The following DOK5 variants were observed in gnomAD, a reference collection of about 807,000 sequenced individuals.
DOK5 encodes docking protein 5.
Under a neutral mutation model 43.3 loss-of-function variants are expected in DOK5, and 27 were observed. That is an observed-to-expected ratio of 0.62 (90% confidence interval 0.46 to 0.86). The LOEUF (loss-of-function observed/expected upper bound fraction) is 0.86, where lower values mean the gene tolerates loss of function less well. Among genes scored for constraint, DOK5 ranks in the 40% least tolerant of loss-of-function variants. The pLI is 0.00. For missense variants in DOK5, 373 were observed against 392.9 expected (o/e 0.95, Z 0.43); for synonymous variants, 146 against 140.1 (o/e 1.04, Z -0.30).
At chr20:54,541,314 G>A (rs760935642) in intron 1 of DOK5, among the ~76,000 whole-genome samples, 9 of 152,098 alleles carry the variant, frequency 5.9e-5, no homozygotes, top group Admixed American at 1.3e-4. Context: ...CTGGTTCCCC[G>A]ACCTGCGCCT....
intron 2 of DOK5, among the ~76,000 whole-genome samples, chr20:54,566,761 C>A (rs548937130): frequency 6.6e-6 from 1 of 152,116 alleles, no homozygotes; most frequent in Admixed American, 6.5e-5. Context: ...GGACTACAGG[C>A]ATGCACCACC....
intron 2 of DOK5, among the ~76,000 whole-genome samples, chr20:54,562,250 A>G (rs1010160826): frequency 7.2e-5 from 11 of 152,156 alleles, no homozygotes; most frequent in Admixed American, 2.0e-4. Context: ...TGGCCTACTT[A>G]TACTAGTATT....
intron 1 of DOK5, among the ~76,000 whole-genome samples, chr20:54,540,453 G>T (rs78717409): frequency 0.029 from 4,351 of 152,178 alleles, 192 homozygotes; most frequent in African/African-American, 0.098. Flanking sequence ...CCACCTAGCT[G>T]GATGGTATGA....
At chr20:54,537,460 T>C (rs548150758) in intron 1 of DOK5, among the ~76,000 whole-genome samples, 2 of 152,238 alleles carry the variant, frequency 1.3e-5, no homozygotes, top group South Asian at 4.2e-4. Flanking sequence ...CAAACTTGCT[T>C]GAAGCATGAG....
At chr20:54,520,319 T>A (rs916413368) in intron 1 of DOK5, among the ~76,000 whole-genome samples, 3 of 152,196 alleles carry the variant, frequency 2.0e-5, no homozygotes, top group Non-Finnish European at 4.4e-5. Flanking sequence ...CACATCTGGA[T>A]ATAGTGATTG....
intron 5 of DOK5, among the ~76,000 whole-genome samples, chr20:54,600,566 T>C (rs966627130): frequency 6.6e-6 from 1 of 152,118 alleles, no homozygotes; most frequent in Non-Finnish European, 1.5e-5. Flanking sequence ...GGAGCTTCTG[T>C]TATCTTCTCC....
intron 1 of DOK5, among the ~76,000 whole-genome samples, chr20:54,490,123 C>A (rs1982107322): frequency 6.6e-6 from 1 of 151,994 alleles, no homozygotes; most frequent in African/African-American, 2.4e-5. Flanking sequence ...AATATTTACT[C>A]AACTCAAAAA....
At chr20:54,637,961 A>T (rs1978909399) in intron 6 of DOK5, among the ~76,000 whole-genome samples, 1 of 152,148 alleles carries the variant, frequency 6.6e-6, no homozygotes, top group African/African-American at 2.4e-5. Flanking sequence ...TCTCTACTAA[A>T]AATACAAATA....
At chr20:54,514,586 C>CTTTTTTT (rs199776939) in intron 1 of DOK5, among the ~76,000 whole-genome samples, 35 of 100,962 alleles carry the variant, frequency 3.5e-4, no homozygotes, top group African/African-American at 7.4e-4. Context: ...AAGTTTTACT[C>CTTTTTTT]TTTTTTTTTT....
intron 6 of DOK5, among the ~76,000 whole-genome samples, chr20:54,626,427 G>A (rs1335696078): frequency 2.0e-5 from 3 of 152,198 alleles, no homozygotes; most frequent in Non-Finnish European, 4.4e-5. Context: ...CTTGGAGATA[G>A]GGACTGGTTT....
intron 6 of DOK5, among the ~76,000 whole-genome samples, chr20:54,628,659 A>G (rs1978426726): frequency 1.3e-5 from 2 of 152,048 alleles, no homozygotes; most frequent in South Asian, 4.1e-4. Flanking sequence ...GCCACTTAGC[A>G]TAGCAATTAG....
Position 54,476,127 on chromosome 20 carries a change from G to A in DOK5, c.66+115G>A, listed in dbSNP as rs190769826. On this transcript the variant is annotated intron_variant, in intron 1 of 7. Coordinates refer to ENST00000262593, the MANE Select transcript of DOK5 (RefSeq NM_018431.5). ...CGGCCGCGCGCCGGAGAATTGCGCG[G>A]TGGCTTTCTCAGCCGAAACCCGCGT... The A allele has an allele frequency of 4.5e-6, 7 of 1,553,342 alleles. No individual in the cohort carries two copies. In the Admixed American group the frequency reaches 7.9e-5, roughly 18 times the overall value.
intron 6 of DOK5, among the ~76,000 whole-genome samples, chr20:54,614,078 A>G (rs560567739): frequency 6.6e-6 from 1 of 151,288 alleles, no homozygotes; most frequent in African/African-American, 2.4e-5. Context: ...ATATGTATAC[A>G]TAAAACAACA....
At chr20:54,614,308 A>G (rs1986738738) in intron 6 of DOK5, among the ~76,000 whole-genome samples, 1 of 152,150 alleles carries the variant, frequency 6.6e-6, no homozygotes, top group South Asian at 2.1e-4. Flanking sequence ...ATATTTCAAT[A>G]AAGAGACATC....
chr20:54,520,976 A>G (rs1983372679), intron 1 of DOK5, among the ~76,000 whole-genome samples: 1 of 151,950 alleles, frequency 6.6e-6, no homozygotes, highest in Non-Finnish European at 1.5e-5. Context: ...TGGTAGACAC[A>G]CTTGCCCCAG....
intron 2 of DOK5, among the ~76,000 whole-genome samples, chr20:54,556,108 G>A (rs921778170): frequency 6.6e-6 from 1 of 152,178 alleles, no homozygotes. Flanking sequence ...ACACCTGTAT[G>A]TACATAAGGG....
At chr20:54,577,749 T>A (rs1285126360) in intron 2 of DOK5, among the ~76,000 whole-genome samples, 1 of 152,210 alleles carries the variant, frequency 6.6e-6, no homozygotes, top group Non-Finnish European at 1.5e-5. Flanking sequence ...GCATCTCAAC[T>A]CAGCTGAGGT....
rs144525639 is a variant in DOK5 at position 54,638,872 on chromosome 20, G to A, written c.736-4586G>A. ...AACTTTTGTATTTTTAGTAGAGACGGAGTTTCAACCATGTTGGCCAGGCTG... is the reference window on the plus strand; with the variant it reads ...AACTTTTGTATTTTTAGTAGAGACGAAGTTTCAACCATGTTGGCCAGGCTG... On this transcript the variant is annotated intron_variant, in intron 6 of 7. Transcript: ENST00000262593. 8.6e-5 allele frequency among the ~76,000 whole-genome samples: 13 copies of A among 151,632 alleles called. No individual in the cohort carries two copies. The East Asian group carries it at 2.3e-3, about 27-fold the overall frequency.
rs991548771 is a variant in DOK5, at chr20:54,570,737, A to G, written c.174+15697A>G. On this transcript the variant is annotated intron_variant, in intron 2 of 7. Coordinates refer to ENST00000262593, the MANE Select transcript of DOK5 (RefSeq NM_018431.5). ...AGATTAATTGCATAATTCTGACAGGAATATGCCAGTTCCTGAAGGGAATGT... is the reference window on the plus strand; with the variant it reads ...AGATTAATTGCATAATTCTGACAGGGATATGCCAGTTCCTGAAGGGAATGT... Among the ~76,000 whole-genome samples the G allele has an allele frequency of 3.9e-5, 6 of 152,358 alleles. No individual in the cohort carries two copies. The East Asian group carries it at 1.2e-3, about 29-fold the overall frequency.
Sources: gnomAD v4.1 joint callset for allele counts (sites outside exome capture counted in the v4.1 genomes callset) on GRCh38, gnomAD v4.1.1 for gene constraint, MANE v1.5 for transcripts, NCBI Gene and HGNC (gene_info 2026-07-23, HGNC 2026-07-21) for gene names.